The following PXN variants were observed in gnomAD, a reference collection of about 807,000 sequenced individuals.
PXN encodes the protein paxillin, also known as testicular tissue protein Li 134.
In PXN, 61 loss-of-function variants were observed where a neutral mutation model predicts 103.6. That is an observed-to-expected ratio of 0.59 (90% CI 0.48 to 0.73). The LOEUF is 0.73. Ranked by LOEUF, PXN falls within the 30% of genes least tolerant of loss-of-function variation. The pLI is 0.00. For synonymous variants in PXN, 562 were observed against 607.8 expected, an observed-to-expected ratio of 0.92 and a Z score of 1.11; for missense variants, 1,274 against 1,460.3, an observed-to-expected ratio of 0.87 and a Z score of 2.08.
chr12:120,218,056 T>C (rs1176599847), intron 7 of PXN, among the ~76,000 whole-genome samples: 1 of 149,444 alleles, frequency 6.7e-6, no homozygotes, highest in Non-Finnish European at 1.5e-5. Flanking sequence ...TTTTTTTTTT[T>C]TTTTTTTGAG....
chr12:120,217,704 T>C lies in PXN; in HGVS notation c.1717-588A>G, dbSNP rs187016767. Among the ~76,000 whole-genome samples, 329 of 151,792 alleles carry C rather than the reference T, an allele frequency of 2.2e-3. 7 individuals carry two copies. Among genetic ancestry groups the C allele is most frequent in the South Asian group, 4.8e-3 (23 of 4,790 alleles). On this transcript the variant is annotated intron_variant, in intron 7 of 14. Transcript: ENST00000637617. The surrounding 1 kb of genome is among the most constrained non-coding windows in gnomAD (Gnocchi z 4.1). ...AAGAGATTCTCCTGCCTCAGCCTCC[T>C]GAGTAGCTGGGATTAAAGGCATGCA...
chr12:120,217,191 T>A lies in PXN; in HGVS notation c.1717-75A>T. 1.6e-6 allele frequency: 2 copies of A among 1,235,566 alleles called. No individual in the cohort carries two copies. The highest frequency in any genetic ancestry group is 2.3e-6 in the Non-Finnish European group (2 of 881,760). The allele number at this position is 1,235,566 out of a possible 1,614,324, so 76.5% of individuals were successfully genotyped here. A position where few individuals can be genotyped will look rare whatever the true frequency, so the allele number is the denominator to read the frequency against. On this transcript the variant is annotated intron_variant, in intron 7 of 14. Transcript: ENST00000637617. This position sits in a 1 kb window ranked among gnomAD's most constrained non-coding sequence, Gnocchi z 4.1. ...CAACGCTGCTCAGGCCACACTCAGA[T>A]GCCTCAGGAGAGGGAGCACAAAAGA...
Position 120,220,078 on chromosome 12 carries a change from GT to G in PXN, c.844del (p.Thr282LeufsTer4). 8.0e-7 allele frequency: 1 copy of G among 1,257,770 alleles called. No individual in the cohort carries two copies. Among genetic ancestry groups the G allele is most frequent in the Non-Finnish European group, 1.1e-6 (1 of 912,220 alleles). 77.9% of individuals were successfully genotyped at this position (1,257,770 alleles called of 1,614,324 possible). A position where few individuals can be genotyped will look rare whatever the true frequency, so the allele number is the denominator to read the frequency against. On this transcript the variant is annotated frameshift_variant, in exon 7 of 15. Transcript: ENST00000637617. LOFTEE classifies it high-confidence loss of function. The surrounding 1 kb of genome is among the most constrained non-coding windows in gnomAD (Gnocchi z 6.1). ...CAGCCCCGGGGCACTCAGAGCCACA[GT>G]GGAGGAGCTGGTCTGGAGAAGAGAG... ...SLSDFKTSSS[T>X]VALSAPGLSS...
rs1475576323 is a variant in PXN at position 120,265,698 on chromosome 12, G to C, written c.-69C>G. 2 of 1,294,588 alleles carry C rather than the reference G, an allele frequency of 1.5e-6. No individual in the cohort carries two copies. The highest frequency in any genetic ancestry group is 2.0e-6 in the Non-Finnish European group (2 of 1,015,890). 80.2% of individuals were successfully genotyped at this position (1,294,588 alleles called of 1,614,324 possible). On this transcript the variant is annotated 5_prime_UTR_variant, in exon 1 of 15. Coordinates refer to ENST00000637617, the MANE Select transcript of PXN (RefSeq NM_001385981.1). This position sits in a 1 kb window ranked among gnomAD's most constrained non-coding sequence, Gnocchi z 5.7. ...TCCCGGGGCCGCTCGTCTATGCCCC[G>C]CAACTTTTCCGCCGCGAGCCTCGGC...
At chr12:120,223,988 G>A (rs923234463) in intron 2 of PXN, among the ~76,000 whole-genome samples, 155 bp from the exon 3 acceptor site, 1 of 152,164 alleles carries the variant, frequency 6.6e-6, no homozygotes, top group African/African-American at 2.4e-5. Flanking sequence ...TTAACCACTT[G>A]GTCACTGTTC....
In PXN at chr12:120,265,669, CCCGTCCCGGGG is replaced by C; in HGVS notation, c.-51_-41del. 6.9e-7 allele frequency: 1 copy of C among 1,452,368 alleles called. No individual in the cohort carries two copies. The highest frequency in any genetic ancestry group is 9.0e-7 in the Non-Finnish European group (1 of 1,105,830). The allele number at this position is 1,452,368 out of a possible 1,614,324, so 90.0% of individuals were successfully genotyped here. A position where few individuals can be genotyped will look rare whatever the true frequency, so the allele number is the denominator to read the frequency against. ...CGCCGGCTCAGGGTCGCGCTAGCTG[CCCGTCCCGGGG>C]CCGCTCGTCTATGCCCCGCAACTTT... On this transcript the variant is annotated 5_prime_UTR_variant, in exon 1 of 15. Transcript: ENST00000637617. This position sits in a 1 kb window ranked among gnomAD's most constrained non-coding sequence, Gnocchi z 5.7.
Position 120,260,911 on chromosome 12 carries a change from C to T in PXN, c.13+4706G>A, listed in dbSNP as rs146532958. On this transcript the variant is annotated intron_variant, in intron 1 of 14. Coordinates refer to ENST00000637617, the MANE Select transcript of PXN (RefSeq NM_001385981.1). ...GGGCCTGGGAGGCAGAGGCTGCAGA[C>T]CCTGTCTCCAAAAAAAAGTGTACAA... Among the ~76,000 whole-genome samples the T allele has an allele frequency of 4.0e-3, 611 of 152,230 alleles. 1 individual carries two copies. The highest frequency in any genetic ancestry group is 6.6e-3 in the Non-Finnish European group (452 of 68,010).
rs567084791 is a variant in PXN at position 120,228,269 on chromosome 12, T to C, written c.14-3892A>G. On this transcript the variant is annotated intron_variant, in intron 1 of 14. Transcript: ENST00000637617. The surrounding 1 kb of genome is among the most constrained non-coding windows in gnomAD (Gnocchi z 4.7). ...GGGGCCCTCCAGACCCAAGTCACCC[T>C]GAAGGAGGAAGCTCTCTCTCTGGGG... Among the ~76,000 whole-genome samples the C allele has an allele frequency of 6.6e-6, 1 of 152,234 alleles. No homozygotes were observed. Among genetic ancestry groups the C allele is most frequent in the Non-Finnish European group, 1.5e-5 (1 of 68,040 alleles).
chr12:120,213,450 C>T lies in PXN; in HGVS notation c.2979+392G>A, dbSNP rs191566202. On this transcript the variant is annotated intron_variant, in intron 14 of 14. Transcript: ENST00000637617. This position sits in a 1 kb window ranked among gnomAD's most constrained non-coding sequence, Gnocchi z 4.2. ...ACAGTGTTTCCCAAACTCATTTGGT[C>T]AGAGAGCCCTTGTTGAATCATTAAT... 5.3e-5 allele frequency among the ~76,000 whole-genome samples: 8 copies of T among 152,376 alleles called. No homozygotes were observed. In the East Asian group the frequency reaches 9.6e-4, roughly 18 times the overall value.
At chr12:120,234,191 G>A (rs757821526) in intron 1 of PXN, among the ~76,000 whole-genome samples, 24 of 152,196 alleles carry the variant, frequency 1.6e-4, no homozygotes, top group South Asian at 6.2e-4. Flanking sequence ...TTGAGGCCAG[G>A]AGTTCGAAAC....
chr12:120,234,890 G>T (rs1888736425), intron 1 of PXN, among the ~76,000 whole-genome samples: 1 of 152,158 alleles, frequency 6.6e-6, no homozygotes, highest in African/African-American at 2.4e-5. Flanking sequence ...GCAGGGGGAG[G>T]AGTCGGAGCC....
Position 120,214,990 on chromosome 12 carries a change from G to A in PXN, c.2583C>T (p.Thr861=), listed in dbSNP as rs376382714. The A allele has an allele frequency of 2.6e-5, 42 of 1,613,334 alleles. No individual in the cohort carries two copies. The highest frequency in any genetic ancestry group is 3.3e-5 in the Non-Finnish European group (39 of 1,179,596). ...CGGGGTGCCACGTCTTCCCCATGGC[G>A]GTCACAACCTGAGGAGGAGATGGAA... ...CKKPIAGQVV[T]AMGKTWHPEH... The change falls in exon 12 of 15, where the codon ACC becomes ACT. Residue 861 remains threonine, a synonymous_variant. Coordinates refer to ENST00000637617, the MANE Select transcript of PXN (RefSeq NM_001385981.1). This position sits in a 1 kb window ranked among gnomAD's most constrained non-coding sequence, Gnocchi z 5.0.
chr12:120,230,329 C>T (rs1313143580), intron 1 of PXN, among the ~76,000 whole-genome samples: 1 of 152,232 alleles, frequency 6.6e-6, no homozygotes, highest in Non-Finnish European at 1.5e-5. Flanking sequence ...CCTAGGGGGT[C>T]TGGGGATGCC....
intron 1 of PXN, among the ~76,000 whole-genome samples, chr12:120,260,518 CA>C (rs1457871627): frequency 7.0e-6 from 1 of 143,406 alleles, no homozygotes; most frequent in African/African-American, 2.6e-5. Flanking sequence ...AAAAAAAGAA[CA>C]AAAGACAGAC....
Position 120,219,861 on chromosome 12 carries a change from A to C in PXN, c.1062T>G (p.Leu354=). 2 of 1,598,394 alleles carry C rather than the reference A, an allele frequency of 1.3e-6. No individual in the cohort carries two copies. Among genetic ancestry groups the C allele is most frequent in the African/African-American group, 1.3e-5 (1 of 75,042 alleles). ...AGTTGAAGGTGTCAGGCATCACCCC[A>C]AGACCAGCCAAATCAAGCCAGCTGG... ...VAPSWLDLAG[L]GVMPDTFNSR... Residue 354 remains leucine, a synonymous_variant, in exon 7 of 15, where the codon CTT becomes CTG. Transcript: ENST00000637617. The surrounding 1 kb of genome is among the most constrained non-coding windows in gnomAD (Gnocchi z 6.5).
In PXN at chr12:120,265,626, C is replaced by T; in HGVS notation, c.4G>A (p.Asp2Asn). 3 of 1,481,864 alleles carry T rather than the reference C, an allele frequency of 2.0e-6. No individual in the cohort carries two copies. The highest frequency in any genetic ancestry group is 2.7e-6 in the Non-Finnish European group (3 of 1,121,640). 91.8% of individuals were successfully genotyped at this position (1,481,864 alleles called of 1,614,324 possible). A position where few individuals can be genotyped will look rare whatever the true frequency, so the allele number is the denominator to read the frequency against. ...CCTCCCGCTCACTCACCGAGGTCGTCCATGGCCGGACCACGGGCGCCGGCT... is the reference window on the plus strand; with the variant it reads ...CCTCCCGCTCACTCACCGAGGTCGTTCATGGCCGGACCACGGGCGCCGGCT... M[D>N]DLDALLADLE... Residue 2 changes from aspartate to asparagine, a missense_variant, in exon 1 of 15, where the codon GAC becomes AAC. By Grantham distance (23) the Asp-to-Asn change is conservative. This residue lies in a region of PXN where 1,178 missense variants were observed against 1,309.0 expected (regional missense o/e 0.90). Transcript: ENST00000637617. This position sits in a 1 kb window ranked among gnomAD's most constrained non-coding sequence, Gnocchi z 5.7.
At chr12:120,244,928 T>C (rs568047323) in intron 1 of PXN, among the ~76,000 whole-genome samples, 13 of 152,046 alleles carry the variant, frequency 8.6e-5, no homozygotes, top group Non-Finnish European at 1.9e-4. Context: ...CCCTTGTGGG[T>C]ACTTAAGGTT....
In PXN at chr12:120,217,065, A is replaced by AT; in HGVS notation, c.1767_1768insA (p.Ser590IlefsTer37). ...CGGCGGCGAGGGGAGGGCTCCCGGG[A>AT]CATGGGGTGTGCGTGGCCAGACTCC... is the stretch of plus-strand genomic sequence containing the variant. On this transcript the variant is annotated frameshift_variant, in exon 8 of 15. Transcript: ENST00000637617. LOFTEE classifies it high-confidence loss of function. This position sits in a 1 kb window ranked among gnomAD's most constrained non-coding sequence, Gnocchi z 4.1. 6.3e-7 allele frequency: 1 copy of AT among 1,591,800 alleles called. No homozygotes were observed. Among genetic ancestry groups the AT allele is most frequent in the Non-Finnish European group, 8.5e-7 (1 of 1,177,472 alleles).
rs1424878530 is a variant in PXN at position 120,210,656 on chromosome 12, TGGA to T, written c.*1655_*1657del. The T allele has an allele frequency of 6.6e-6, 1 of 152,446 alleles. No homozygotes were observed. The highest frequency in any genetic ancestry group is 1.5e-5 in the Non-Finnish European group (1 of 68,098). 9.4% of individuals were successfully genotyped at this position (152,446 alleles called of 1,614,324 possible). A position where few individuals can be genotyped will look rare whatever the true frequency, so the allele number is the denominator to read the frequency against. ...GAGCGGTAAGGCCTGCGGGTGAAAG[TGGA>T]GACATCAGACCTTTGGAGGGGCTGG... On this transcript the variant is annotated 3_prime_UTR_variant, in exon 15 of 15. Coordinates refer to ENST00000637617, the MANE Select transcript of PXN (RefSeq NM_001385981.1).
Sources: gnomAD v4.1 joint callset for allele counts (sites outside exome capture counted in the v4.1 genomes callset) on GRCh38, gnomAD v4.1.1 for gene constraint, gnomAD v4.1.1 regional missense constraint, Gnocchi (gnomAD v3.1) non-coding constraint, MANE v1.5 for transcripts, NCBI Gene and HGNC (gene_info 2026-07-23, HGNC 2026-07-21) for gene names.